NCOA1: variants seen among roughly 807,000 people sequenced by gnomAD.
NCOA1 encodes Hin-2 protein.
NCOA1 carries 35 observed loss-of-function variants against 150.9 expected under a neutral mutation model. The observed-to-expected ratio is 0.23, with a 90% CI of 0.18 to 0.31. NCOA1 has a LOEUF of 0.31. NCOA1 is among the 10% of genes least tolerant of loss of function. The probability of loss-of-function intolerance (pLI) is 1.00; values close to 1 mark genes in which losing one functional copy is unlikely to be tolerated. For missense variants in NCOA1, 1,491 were observed against 1,749.3 expected (o/e 0.85, Z 2.63); for synonymous variants, 590 against 630.0 (o/e 0.94, Z 0.95).
intron 2 of NCOA1, among the ~76,000 whole-genome samples, chr2:24,577,870 G>T (rs1330390386): frequency 6.6e-6 from 1 of 152,272 alleles, no homozygotes; most frequent in East Asian, 1.9e-4. Context: ...CTTTGACACG[G>T]TTCAGTCTCT....
chr2:24,740,922 ATTGAAAAAATGAT>A (rs1479091050), intron 18 of NCOA1, among the ~76,000 whole-genome samples: 1 of 152,206 alleles, frequency 6.6e-6, no homozygotes, highest in Admixed American at 6.5e-5. Context: ...GCCATGTTAC[ATTGAAAAAATGAT>A]TTTAAGCTAA....
At chr2:24,721,369 C>T (rs767651297) in intron 14 of NCOA1, among the ~76,000 whole-genome samples, 1 of 152,070 alleles carries the variant, frequency 6.6e-6, no homozygotes, top group African/African-American at 2.4e-5. Flanking sequence ...GTTGACTTTT[C>T]TTGAATGTTT....
intron 1 of NCOA1, among the ~76,000 whole-genome samples, chr2:24,532,913 T>G (rs1313699927): frequency 6.6e-6 from 1 of 152,206 alleles, no homozygotes; most frequent in African/African-American, 2.4e-5. Context: ...TCTTTTGGCT[T>G]AGGATTGTCT....
intron 1 of NCOA1, among the ~76,000 whole-genome samples, chr2:24,510,683 G>A (rs538829201): frequency 4.0e-5 from 6 of 150,082 alleles, no homozygotes; most frequent in Non-Finnish European, 7.5e-5. Flanking sequence ...CTTTGGTAAT[G>A]CGTTTATCAG....
chr2:24,674,173 C>A, intron 7 of NCOA1, among the ~76,000 whole-genome samples: 1 of 144,770 alleles, frequency 6.9e-6, no homozygotes, highest in East Asian at 2.0e-4. Flanking sequence ...ATCTCTAGGT[C>A]TAATTATATA....
chr2:24,501,772 C>G (rs187562246), intron 1 of NCOA1, among the ~76,000 whole-genome samples: 3 of 152,170 alleles, frequency 2.0e-5, no homozygotes, highest in Admixed American at 1.3e-4. Flanking sequence ...TTTTGTGAGT[C>G]TATATATTTA....
intron 6 of NCOA1, among the ~76,000 whole-genome samples, chr2:24,669,017 CA>C (rs1474971081): frequency 6.6e-6 from 1 of 152,000 alleles, no homozygotes; most frequent in East Asian, 1.9e-4. Flanking sequence ...ATTGGTTACG[CA>C]AAAAATTGTT....
At chr2:24,553,886 C>T (rs917065238) in intron 1 of NCOA1, among the ~76,000 whole-genome samples, 1 of 152,166 alleles carries the variant, frequency 6.6e-6, no homozygotes, top group Non-Finnish European at 1.5e-5. Context: ...TAGTAGAATT[C>T]ACCAAGGGAG....
At chr2:24,630,302 A>T (rs1669649117) in intron 3 of NCOA1, among the ~76,000 whole-genome samples, 2 of 152,214 alleles carry the variant, frequency 1.3e-5, no homozygotes. Context: ...TTAATGCTAT[A>T]CTGTCTTGGT....
At chr2:24,509,581 A>C (rs1663845294) in intron 1 of NCOA1, among the ~76,000 whole-genome samples, 1 of 152,196 alleles carries the variant, frequency 6.6e-6, no homozygotes, top group African/African-American at 2.4e-5. Flanking sequence ...CATTTCTATT[A>C]CTATTGCTGT....
chr2:24,516,890 C>T (rs565903234), intron 1 of NCOA1, among the ~76,000 whole-genome samples: 1 of 112,738 alleles, frequency 8.9e-6, no homozygotes, highest in Admixed American at 1.1e-4. Context: ...TGTGCTCCCC[C>T]TTCAACCACA....
chr2:24,718,902 G>A (rs1321773741), intron 14 of NCOA1, among the ~76,000 whole-genome samples: 4 of 149,158 alleles, frequency 2.7e-5, no homozygotes, highest in Admixed American at 6.7e-5. Flanking sequence ...GGTGGCGGGC[G>A]CCTGTAATCA....
At chr2:24,727,163 G>T (rs1355930347) in intron 15 of NCOA1, among the ~76,000 whole-genome samples, 1 of 142,256 alleles carries the variant, frequency 7.0e-6, no homozygotes, top group Admixed American at 7.0e-5. Context: ...AAAAAAAAAA[G>T]GGTGGCGGGG....
At chr2:24,556,558 G>T (rs1265389975) in intron 1 of NCOA1, among the ~76,000 whole-genome samples, 3 of 152,178 alleles carry the variant, frequency 2.0e-5, no homozygotes, top group Non-Finnish European at 4.4e-5. Context: ...CCATTAAAAA[G>T]TGGGCAAAGG....
chr2:24,599,856 G>A (rs111976437), intron 3 of NCOA1, among the ~76,000 whole-genome samples: 8 of 150,568 alleles, frequency 5.3e-5, no homozygotes, highest in South Asian at 2.1e-4. Context: ...TCAGCCTCCC[G>A]AGTAGCTGGG....
At chr2:24,752,374 G>A (rs1041914481) in intron 20 of NCOA1, among the ~76,000 whole-genome samples, 1 of 152,156 alleles carries the variant, frequency 6.6e-6, no homozygotes, top group African/African-American at 2.4e-5. Flanking sequence ...TGCTTTCATG[G>A]GCTGATTGTA....
chr2:24,570,833 CAT>C (rs1452230692), intron 2 of NCOA1, among the ~76,000 whole-genome samples: 1 of 152,092 alleles, frequency 6.6e-6, no homozygotes, highest in African/African-American at 2.4e-5. Context: ...CTCTTAGAGA[CAT>C]ATGTCTTGTT....
intron 1 of NCOA1, among the ~76,000 whole-genome samples, chr2:24,526,764 A>G (rs1031811095): frequency 6.6e-6 from 1 of 152,184 alleles, no homozygotes; most frequent in Non-Finnish European, 1.5e-5. Flanking sequence ...GGTGTACAAC[A>G]TGATGTTATG....
At chr2:24,744,269 C>G (rs1663771516) in intron 19 of NCOA1, among the ~76,000 whole-genome samples, 1 of 152,156 alleles carries the variant, frequency 6.6e-6, no homozygotes, top group Non-Finnish European at 1.5e-5. Context: ...TAAGAATTTG[C>G]TTTTTATAAA....
Sources: gnomAD v4.1 joint callset for allele counts (sites outside exome capture counted in the v4.1 genomes callset) on GRCh38, gnomAD v4.1.1 for gene constraint, MANE v1.5 for transcripts, NCBI Gene and HGNC (gene_info 2026-07-23, HGNC 2026-07-21) for gene names.